CDH13: variants seen among roughly 807,000 people sequenced by gnomAD.
The protein encoded by CDH13 is cadherin-13.
In CDH13, 24 loss-of-function variants were observed where a neutral mutation model predicts 63.8. The ratio of observed to expected loss-of-function variants is 0.38; its 90% confidence interval spans 0.27 to 0.53. CDH13 has a LOEUF of 0.53. Among genes scored for constraint, CDH13 ranks in the 20% least tolerant of loss-of-function variants. The pLI, the probability that CDH13 is intolerant of heterozygous loss-of-function variation, is 0.85. For missense variants in CDH13, 1,049 were observed against 903.1 expected (o/e 1.16, Z -2.07); for synonymous variants, 503 against 355.3 (o/e 1.42, Z -4.67).
At chr16:83,096,341 A>G (rs1487091790) in intron 3 of CDH13, among the ~76,000 whole-genome samples, 1 of 152,210 alleles carries the variant, frequency 6.6e-6, no homozygotes, top group African/African-American at 2.4e-5. Context: ...TATCCCAGAG[A>G]GAAGGCTCAG....
In CDH13 at chr16:83,125,417, C is replaced by T. The variant is rs770305970; in HGVS notation, c.399C>T (p.Val133=). The T allele has an allele frequency of 3.1e-6, 5 of 1,608,506 alleles. No individual in the cohort carries two copies. The African/African-American group carries it at 6.7e-5, about 22-fold the overall frequency. The change falls in exon 4 of 14, where the codon GTC becomes GTT. Residue 133 remains valine, a synonymous_variant. Coordinates refer to ENST00000567109, the MANE Select transcript of CDH13 (RefSeq NM_001257.5). ...DIFKFARTSP[V]PRQKRSIVVS... ...TTAAATTTGCAAGAACTTCTCCTGT[C>T]CCAAGACAAAAGAGGTCCATTGTGG...
At chr16:83,237,582 C>A (rs556432067) in intron 5 of CDH13, among the ~76,000 whole-genome samples, 1 of 152,326 alleles carries the variant, frequency 6.6e-6, no homozygotes, top group East Asian at 1.9e-4. Flanking sequence ...ATTTAAATAG[C>A]TGCATTTGGC....
intron 2 of CDH13, among the ~76,000 whole-genome samples, chr16:82,985,426 C>T (rs1246884099): frequency 6.6e-6 from 1 of 152,142 alleles, no homozygotes; most frequent in East Asian, 1.9e-4. Flanking sequence ...AATGTAGAAT[C>T]TGATGGTTTC....
chr16:83,207,709 T>A (rs1567507093), intron 4 of CDH13, among the ~76,000 whole-genome samples: 1 of 151,462 alleles, frequency 6.6e-6, no homozygotes, highest in Non-Finnish European at 1.5e-5. Flanking sequence ...ATATAATTAT[T>A]TGGAAAAAAA....
At chr16:83,389,324 T>A (rs1597899372) in intron 6 of CDH13, among the ~76,000 whole-genome samples, 1 of 152,354 alleles carries the variant, frequency 6.6e-6, no homozygotes, top group African/African-American at 2.4e-5. Context: ...TTTGTGTGTG[T>A]ATATTTTTTA....
At chr16:83,390,292 GT>G (rs1430920624) in intron 6 of CDH13, among the ~76,000 whole-genome samples, 2 of 152,146 alleles carry the variant, frequency 1.3e-5, no homozygotes, top group African/African-American at 4.8e-5. Context: ...AGTATGGCCT[GT>G]GGGCAGTGGT....
At chr16:82,758,066 C>T (rs932036923) in intron 1 of CDH13, among the ~76,000 whole-genome samples, 16 of 152,088 alleles carry the variant, frequency 1.1e-4, no homozygotes, top group Admixed American at 1.0e-3. Context: ...ATAATCTCAT[C>T]TTTGTTCATG....
chr16:83,614,373 C>T (rs1045985388), intron 8 of CDH13, among the ~76,000 whole-genome samples: 4 of 152,168 alleles, frequency 2.6e-5, no homozygotes, highest in Admixed American at 6.5e-5. Context: ...CCACTTTGGC[C>T]GACCTTGCAT....
chr16:83,647,456 T>G (rs6563959), intron 8 of CDH13, among the ~76,000 whole-genome samples: 129,988 of 152,168 alleles, frequency 0.85, 55,541 homozygotes, highest in Admixed American at 0.89. Context: ...TGTGCTTCCA[T>G]AGCAATGATG....
At chr16:83,515,055 G>A (rs879576644) in intron 7 of CDH13, among the ~76,000 whole-genome samples, 9 of 152,096 alleles carry the variant, frequency 5.9e-5, no homozygotes, top group South Asian at 4.1e-4. Context: ...AGGCAGCTTC[G>A]GGGGTAGGAA....
At chr16:83,538,895 G>A (rs940860027) in intron 7 of CDH13, among the ~76,000 whole-genome samples, 5 of 152,146 alleles carry the variant, frequency 3.3e-5, no homozygotes, top group African/African-American at 1.2e-4. Flanking sequence ...GTTAGATAAT[G>A]CTTAGTCATC....
chr16:83,011,445 T>G (rs556983236), intron 2 of CDH13, among the ~76,000 whole-genome samples: 1 of 152,172 alleles, frequency 6.6e-6, no homozygotes, highest in Non-Finnish European at 1.5e-5. Flanking sequence ...CTACAAGTAG[T>G]GCAAATCGAA....
chr16:83,219,652 C>T (rs2039638684), intron 5 of CDH13, among the ~76,000 whole-genome samples: 1 of 152,214 alleles, frequency 6.6e-6, no homozygotes, highest in Admixed American at 6.5e-5. Flanking sequence ...AGCCCAATCT[C>T]TCATGTCCAG....
chr16:83,072,893 A>G (rs1328047746), intron 3 of CDH13, among the ~76,000 whole-genome samples: 1 of 152,204 alleles, frequency 6.6e-6, no homozygotes, highest in Non-Finnish European at 1.5e-5. Flanking sequence ...GATTTCTAAC[A>G]TTTCTGTGGG....
intron 1 of CDH13, among the ~76,000 whole-genome samples, chr16:82,800,458 A>G (rs1438260212): frequency 1.3e-5 from 2 of 152,216 alleles, no homozygotes; most frequent in African/African-American, 4.8e-5. Flanking sequence ...TCTATGGAAC[A>G]GAGATCAGGG....
At chr16:83,458,899 C>A (rs527834929) in intron 6 of CDH13, among the ~76,000 whole-genome samples, 2 of 152,216 alleles carry the variant, frequency 1.3e-5, no homozygotes, top group Non-Finnish European at 2.9e-5. Flanking sequence ...TCCCATCATG[C>A]ACTGCTTCTA....
chr16:82,983,234 T>C (rs984251530), intron 2 of CDH13, among the ~76,000 whole-genome samples: 1 of 152,188 alleles, frequency 6.6e-6, no homozygotes, highest in Non-Finnish European at 1.5e-5. Context: ...TCCAGAACAC[T>C]TTTTACTTAG....
chr16:83,216,433 T>TAAATATAA (rs1482008559), intron 4 of CDH13, among the ~76,000 whole-genome samples: 1 of 115,430 alleles, frequency 8.7e-6, no homozygotes, highest in African/African-American at 3.3e-5. Context: ...TATATATATA[T>TAAATATAA]ATATATATAT....
In CDH13 at chr16:83,381,721, T is replaced by TA. The variant is rs547361747; in HGVS notation, c.781+36727dup. Among the ~76,000 whole-genome samples the TA allele has an allele frequency of 6.5e-3, 939 of 144,996 alleles. 10 individuals are homozygous for TA. Among genetic ancestry groups the TA allele is most frequent in the African/African-American group, 0.021 (817 of 39,684 alleles). ...GCTGCACATGCCTGAAATTAGGGAT[T>TA]AAAAAAAAAAAAGTACCAAGAGGAT... On this transcript the variant is annotated intron_variant, in intron 6 of 13. Coordinates refer to ENST00000567109, the MANE Select transcript of CDH13 (RefSeq NM_001257.5).
Sources: allele counts gnomAD v4.1 joint callset (sites outside exome capture counted in the v4.1 genomes callset), GRCh38; gene constraint gnomAD v4.1.1; transcripts MANE v1.5; gene names NCBI Gene and HGNC (gene_info 2026-07-23, HGNC 2026-07-21).